GLDN: variants seen among roughly 807,000 people sequenced by gnomAD.
The protein encoded by GLDN is collomin.
Under a neutral mutation model 56.5 loss-of-function variants are expected in GLDN, and 47 were observed. That is an observed-to-expected ratio of 0.83 (90% CI 0.66 to 1.06). The LOEUF (loss-of-function observed/expected upper bound fraction) is 1.06. GLDN is among the 50% of genes least tolerant of loss of function. GLDN has a pLI of 0.00. For synonymous variants in GLDN, 332 were observed against 278.8 expected (o/e 1.19, Z -1.90); for missense variants, 782 against 714.3 (o/e 1.09, Z -1.08).
chr15:51,372,354 A>G (rs1191210485), intron 1 of GLDN, among the ~76,000 whole-genome samples: 2 of 152,212 alleles, frequency 1.3e-5, no homozygotes, highest in East Asian at 3.8e-4. Context: ...AATGCTGAAA[A>G]CAAGTCGCCA....
intron 1 of GLDN, 91 bp from the exon 2 acceptor site, chr15:51,377,358 T>C: frequency 8.8e-7 from 1 of 1,139,764 alleles, no homozygotes. Context: ...ACTTGGTGAC[T>C]TTTTATGATT....
At chr15:51,398,199 ACTG>A (rs1284632092) in intron 6 of GLDN, among the ~76,000 whole-genome samples, 68 of 152,380 alleles carry the variant, frequency 4.5e-4, no homozygotes, top group African/African-American at 1.5e-3. Context: ...GCTCTGCCTA[ACTG>A]TAAAGTCCCA....
In GLDN at chr15:51,394,947, C is replaced by CA; in HGVS notation, c.657dup (p.Gly220ArgfsTer15). ...CAGGGCAGAAGGGAGAAAAGGGTGACAAAGGAGATGTGTCCAACGACGTGC... is the reference window on the plus strand; with the variant it reads ...CAGGGCAGAAGGGAGAAAAGGGTGACAAAAGGAGATGTGTCCAACGACGTGC... On this transcript the variant is annotated frameshift_variant, in exon 5 of 10. Coordinates refer to ENST00000335449, the MANE Select transcript of GLDN (RefSeq NM_181789.4). LOFTEE classifies it high-confidence loss of function. 1 of 1,610,208 alleles carries CA rather than the reference C, an allele frequency of 6.2e-7. No individual in the cohort carries two copies. Among genetic ancestry groups the CA allele is most frequent in the Non-Finnish European group, 8.5e-7 (1 of 1,178,462 alleles).
chr15:51,390,273 T>G (rs894152634), intron 4 of GLDN, among the ~76,000 whole-genome samples: 5 of 152,246 alleles, frequency 3.3e-5, no homozygotes, highest in Non-Finnish European at 7.3e-5. Context: ...TAGCTATTAT[T>G]GTTGTTGTTT....
At chr15:51,404,239 G>T in intron 9 of GLDN, 38 bp from the exon 10 acceptor site, 3 of 1,467,614 alleles carry the variant, frequency 2.0e-6, no homozygotes, top group Non-Finnish European at 2.8e-6. Flanking sequence ...CACAGAAACG[G>T]TGATTCATGT....
At chr15:51,400,944 G>T (rs1296893148) in intron 8 of GLDN, among the ~76,000 whole-genome samples, 1 of 152,180 alleles carries the variant, frequency 6.6e-6, no homozygotes, top group Non-Finnish European at 1.5e-5. Flanking sequence ...AGAAGGTGAA[G>T]TTCCACCTTG....
chr15:51,383,978 G>T, intron 4 of GLDN, 86 bp downstream of exon 4: 1 of 1,024,244 alleles, frequency 9.8e-7, no homozygotes, highest in Non-Finnish European at 1.5e-6. Context: ...GTGCAGCAGG[G>T]GTAAGGTGTT....
intron 5 of GLDN, 114 bp downstream of exon 5, chr15:51,395,095 A>C: frequency 9.1e-7 from 1 of 1,093,948 alleles, no homozygotes; most frequent in South Asian, 2.0e-5. Context: ...TTATGTGGCC[A>C]TCTGTTTTGC....
Position 51,404,675 on chromosome 15 carries a change from A to C in GLDN, c.1577A>C (p.Asp526Ala). The change falls in exon 10 of 10, where the codon GAT becomes GCT. Residue 526 changes from aspartate to alanine, a missense_variant. By Grantham distance (126) the Asp-to-Ala change is moderately radical. Transcript: ENST00000335449. ...GCCATGTTAGCATACAACATGAGAG[A>C]TCAGCATTTATATTCATGGGAAGAT... ...VLAMLAYNMRDQHLYSWEDGH... is the reference protein window; with the variant it reads ...VLAMLAYNMRAQHLYSWEDGH... 1 of 1,613,196 alleles carries C rather than the reference A, an allele frequency of 6.2e-7. No homozygotes were observed. Among genetic ancestry groups the C allele is most frequent in the Non-Finnish European group, 8.5e-7 (1 of 1,179,104 alleles).
At chr15:51,355,866 C>G (rs2037171805) in intron 1 of GLDN, among the ~76,000 whole-genome samples, 1 of 148,894 alleles carries the variant, frequency 6.7e-6, no homozygotes, top group Admixed American at 6.6e-5. Flanking sequence ...TCACCTGTAT[C>G]TTGTGCTGAC....
At chr15:51,351,482 G>T (rs1484172098) in intron 1 of GLDN, among the ~76,000 whole-genome samples, 1 of 152,150 alleles carries the variant, frequency 6.6e-6, no homozygotes, top group African/African-American at 2.4e-5. Flanking sequence ...TGATTATTTA[G>T]TAGCTCTGCC....
intron 1 of GLDN, among the ~76,000 whole-genome samples, chr15:51,370,191 C>A (rs566233800): frequency 6.6e-6 from 1 of 152,146 alleles, no homozygotes; most frequent in Non-Finnish European, 1.5e-5. Flanking sequence ...GAGCCTAAAC[C>A]AGCTACTCCC....
chr15:51,364,984 A>G (rs1445268525), intron 1 of GLDN, among the ~76,000 whole-genome samples: 1 of 152,246 alleles, frequency 6.6e-6, no homozygotes, highest in Non-Finnish European at 1.5e-5. Flanking sequence ...TAGCAGTCAA[A>G]TAAGAATTCA....
chr15:51,345,365 T>C (rs1021120811), intron 1 of GLDN, among the ~76,000 whole-genome samples: 3 of 152,240 alleles, frequency 2.0e-5, no homozygotes, highest in African/African-American at 7.2e-5. Context: ...TTGTTGTCCT[T>C]GAGGGACTGT....
chr15:51,383,083 C>T (rs1308610846), intron 2 of GLDN, among the ~76,000 whole-genome samples: 4 of 152,174 alleles, frequency 2.6e-5, no homozygotes, highest in African/African-American at 9.7e-5. Context: ...ATGACAGCAC[C>T]ATCATTTGCT....
chr15:51,356,884 G>A (rs1329360400), intron 1 of GLDN, among the ~76,000 whole-genome samples: 1 of 152,154 alleles, frequency 6.6e-6, no homozygotes, highest in Non-Finnish European at 1.5e-5. Flanking sequence ...GAATTTGGAA[G>A]CCTTGTAATA....
At chr15:51,388,727 A>T (rs2445742) in intron 4 of GLDN, among the ~76,000 whole-genome samples, 1 of 152,142 alleles carries the variant, frequency 6.6e-6, no homozygotes, top group Non-Finnish European at 1.5e-5. Context: ...GCTCTTAACC[A>T]CAGTGACACT....
Position 51,404,535 on chromosome 15 carries a change from A to G in GLDN, c.1437A>G (p.Arg479=). 1 of 1,614,172 alleles carries G rather than the reference A, an allele frequency of 6.2e-7. No homozygotes were observed. Among genetic ancestry groups the G allele is most frequent in the Non-Finnish European group, 8.5e-7 (1 of 1,180,032 alleles). Residue 479 remains arginine, a synonymous_variant, in exon 10 of 10, where the codon CGA becomes CGG. Coordinates refer to ENST00000335449, the MANE Select transcript of GLDN (RefSeq NM_181789.4). ...KSKAGNAFIA[R]GILYVTDTKD... ...AGGCTGGCAACGCCTTCATTGCCCG[A>G]GGAATCCTCTATGTCACAGACACCA...
At chr15:51,399,418 C>T (rs566624779) in intron 6 of GLDN, among the ~76,000 whole-genome samples, 5 of 152,326 alleles carry the variant, frequency 3.3e-5, no homozygotes, top group African/African-American at 9.6e-5. Context: ...ATTCATCCTC[C>T]TCCCTCCTCT....
Sources: gnomAD v4.1 joint callset for allele counts (sites outside exome capture counted in the v4.1 genomes callset) on GRCh38, gnomAD v4.1.1 for gene constraint, MANE v1.5 for transcripts, NCBI Gene and HGNC (gene_info 2026-07-23, HGNC 2026-07-21) for gene names.